The following SCFD2 variants were observed in gnomAD, a reference collection of about 807,000 sequenced individuals.
SCFD2 encodes the protein sec1 family domain containing 2, also known as sec1 family domain-containing protein 2.
In SCFD2, 54 loss-of-function variants were observed where a neutral mutation model predicts 58.9. The ratio of observed to expected loss-of-function variants is 0.92; its 90% confidence interval spans 0.74 to 1.15. SCFD2 has a LOEUF of 1.15. SCFD2 is among the 50% of genes most tolerant of loss of function. The probability of loss-of-function intolerance (pLI) is 0.00; values close to 1 mark genes in which losing one functional copy is unlikely to be tolerated. For synonymous variants in SCFD2, 321 were observed against 335.9 expected, an observed-to-expected ratio of 0.96 and a Z score of 0.49; for missense variants, 805 against 836.6, an observed-to-expected ratio of 0.96 and a Z score of 0.47.
chr4:53,289,327 T>C (rs1023608039), intron 3 of SCFD2, among the ~76,000 whole-genome samples: 8 of 151,986 alleles, frequency 5.3e-5, no homozygotes, highest in African/African-American at 1.7e-4. Flanking sequence ...GATGGCACCA[T>C]TGCACTCCAG....
intron 3 of SCFD2, among the ~76,000 whole-genome samples, chr4:53,300,048 C>CA (rs1217260235): frequency 2.0e-5 from 3 of 152,026 alleles, no homozygotes; most frequent in Admixed American, 6.6e-5. Flanking sequence ...AACTAACGAG[C>CA]AAAAAAACTA....
chr4:53,358,382 A>G (rs1337834216), intron 1 of SCFD2, among the ~76,000 whole-genome samples: 1 of 151,858 alleles, frequency 6.6e-6, no homozygotes, highest in East Asian at 1.9e-4. Context: ...ACAAAACAAA[A>G]CAAAAAAATA....
intron 4 of SCFD2, among the ~76,000 whole-genome samples, chr4:53,188,025 T>G (rs1727785553): frequency 6.6e-6 from 1 of 152,082 alleles, no homozygotes; most frequent in Non-Finnish European, 1.5e-5. Flanking sequence ...GTTCTATTGG[T>G]ACAGAAACAG....
At chr4:53,248,864 A>G (rs1396169257) in intron 4 of SCFD2, among the ~76,000 whole-genome samples, 1 of 152,244 alleles carries the variant, frequency 6.6e-6, no homozygotes, top group Non-Finnish European at 1.5e-5. Flanking sequence ...AAAAAACAGA[A>G]CAGAAAAACT....
intron 5 of SCFD2, among the ~76,000 whole-genome samples, chr4:53,105,261 G>A (rs182333362): frequency 2.6e-5 from 4 of 151,986 alleles, no homozygotes; most frequent in East Asian, 1.9e-4. Context: ...CTGCGCGGCC[G>A]TTTGGGCAGA....
At chr4:53,341,078 C>T (rs1733855339) in intron 2 of SCFD2, among the ~76,000 whole-genome samples, 1 of 152,154 alleles carries the variant, frequency 6.6e-6, no homozygotes, top group Non-Finnish European at 1.5e-5. Context: ...GAACACAGCT[C>T]CTCGTCAGCA....
chr4:53,256,824 A>C (rs1730653722), intron 4 of SCFD2, among the ~76,000 whole-genome samples: 1 of 148,014 alleles, frequency 6.8e-6, no homozygotes, highest in Non-Finnish European at 1.5e-5. Context: ...AGTACAGTCC[A>C]GCTTCGGCTA....
chr4:53,322,830 T>A (rs1283207724), intron 2 of SCFD2, among the ~76,000 whole-genome samples: 1 of 152,216 alleles, frequency 6.6e-6, no homozygotes, highest in African/African-American at 2.4e-5. Flanking sequence ...TGGGGAACTC[T>A]AGGCTGGATT....
rs1732764823 is a variant in SCFD2, at chr4:53,313,708, CCT to C, written c.1061_1062del (p.Glu354GlyfsTer78). The C allele has an allele frequency of 9.3e-6, 15 of 1,613,890 alleles. No homozygotes were observed. Among genetic ancestry groups the C allele is most frequent in the Non-Finnish European group, 1.3e-5 (15 of 1,179,934 alleles). ...WEALLNTKHK[E>X]AVMEVRRHLV... ...AGATGTCTCCGAACTTCCATCACTG[CCT>C]CTTTGTGCTTAGTGTTCAGTAAAGC... On this transcript the variant is annotated frameshift_variant, in exon 3 of 9. Transcript: ENST00000401642. LOFTEE classifies it high-confidence loss of function.
At chr4:52,992,502 G>A (rs1351967957) in intron 5 of SCFD2, among the ~76,000 whole-genome samples, 1 of 151,858 alleles carries the variant, frequency 6.6e-6, no homozygotes. Context: ...TCTGGGATGT[G>A]AGGAGCCCCT....
chr4:53,188,451 GT>G (rs1560376673), intron 4 of SCFD2, among the ~76,000 whole-genome samples: 6 of 150,552 alleles, frequency 4.0e-5, no homozygotes, highest in African/African-American at 1.5e-4. Flanking sequence ...GTGTGTGTGT[GT>G]GTGTGTGTGT....
intron 4 of SCFD2, among the ~76,000 whole-genome samples, chr4:53,183,151 G>A (rs1294358908): frequency 6.6e-6 from 1 of 152,046 alleles, no homozygotes; most frequent in African/African-American, 2.4e-5. Flanking sequence ...CCCATTACTG[G>A]GTATATACCG....
At chr4:53,189,235 T>G (rs918586118) in intron 4 of SCFD2, among the ~76,000 whole-genome samples, 2 of 152,066 alleles carry the variant, frequency 1.3e-5, no homozygotes, top group African/African-American at 4.8e-5. Context: ...AGTAAAAAAG[T>G]GAGTAGGATT....
intron 5 of SCFD2, among the ~76,000 whole-genome samples, chr4:53,105,584 G>A (rs1371786615): frequency 6.6e-6 from 1 of 152,188 alleles, no homozygotes; most frequent in East Asian, 1.9e-4. Flanking sequence ...GTTCAAACAA[G>A]ATGGAGCCCA....
intron 5 of SCFD2, among the ~76,000 whole-genome samples, chr4:52,941,327 A>G (rs1489263474): frequency 6.6e-6 from 1 of 152,228 alleles, no homozygotes; most frequent in East Asian, 1.9e-4. Context: ...AAATGTTAGA[A>G]CGTAATAAGT....
chr4:53,293,839 A>G (rs1378122476), intron 3 of SCFD2, among the ~76,000 whole-genome samples: 1 of 151,582 alleles, frequency 6.6e-6, no homozygotes, highest in African/African-American at 2.4e-5. Context: ...CCATCAAACC[A>G]CCATCTACAT....
chr4:53,347,339 A>G (rs1734087347), intron 2 of SCFD2, among the ~76,000 whole-genome samples: 1 of 152,152 alleles, frequency 6.6e-6, no homozygotes, highest in African/African-American at 2.4e-5. Flanking sequence ...TGTTCATTCA[A>G]CAAATATCTC....
intron 5 of SCFD2, among the ~76,000 whole-genome samples, chr4:53,088,976 G>A (rs943982829): frequency 1.3e-5 from 2 of 152,118 alleles, no homozygotes; most frequent in African/African-American, 4.8e-5. Context: ...AATTAGTGCT[G>A]TTATAAAAGA....
chr4:52,908,777 G>A (rs1577818610), intron 6 of SCFD2, among the ~76,000 whole-genome samples: 1 of 152,218 alleles, frequency 6.6e-6, no homozygotes, highest in South Asian at 2.1e-4. Flanking sequence ...CAGGAATATA[G>A]TTGGCATCTT....
Sources: allele counts gnomAD v4.1 joint callset (sites outside exome capture counted in the v4.1 genomes callset), GRCh38; gene constraint gnomAD v4.1.1; transcripts MANE v1.5; gene names NCBI Gene and HGNC (gene_info 2026-07-23, HGNC 2026-07-21).